Variants in ABHD6 observed in about 807,000 individuals in gnomAD.
The protein encoded by ABHD6 is abhydrolase domain containing 6, acylglycerol lipase.
Under a neutral mutation model 38.8 loss-of-function variants are expected in ABHD6, and 33 were observed. The observed-to-expected ratio is 0.85, with a 90% CI of 0.64 to 1.14. ABHD6 has a LOEUF of 1.14. Among genes scored for constraint, ABHD6 ranks in the 50% most tolerant of loss-of-function variants. The pLI, the probability that ABHD6 is intolerant of heterozygous loss-of-function variation, is 0.00. For missense variants in ABHD6, 380 were observed against 422.6 expected, an observed-to-expected ratio of 0.90 and a Z score of 0.88; for synonymous variants, 147 against 161.6, an observed-to-expected ratio of 0.91 and a Z score of 0.69.
At chr3:58,274,266 T>G (rs1344518386) in intron 6 of ABHD6, among the ~76,000 whole-genome samples, 1 of 152,196 alleles carries the variant, frequency 6.6e-6, no homozygotes, top group African/African-American at 2.4e-5. Context: ...CTGTCAACAC[T>G]CAGATATGCT....
intron 1 of ABHD6, among the ~76,000 whole-genome samples, chr3:58,247,222 C>CT (rs1403104434): frequency 5.3e-5 from 8 of 151,986 alleles, no homozygotes; most frequent in Non-Finnish European, 1.2e-4. Context: ...AGGCTTGTCT[C>CT]TAACTCCTGG....
intron 1 of ABHD6, among the ~76,000 whole-genome samples, chr3:58,242,207 T>C (rs67035712): frequency 0.22 from 33,809 of 151,694 alleles, 5,004 homozygotes; most frequent in East Asian, 0.77. Flanking sequence ...GGGCAGGCAA[T>C]AGGCAGGTGA....
Position 58,256,489 on chromosome 3 carries a change from G to A in ABHD6, c.-25-73G>A. ...TCACTCTGGGAACTTCACTTTTCTT[G>A]TCCCCTTTACTTCTTCGCCTTTTTT... On this transcript the variant is annotated intron_variant, in intron 2 of 9. Transcript: ENST00000478253. The surrounding 1 kb of genome is among the most constrained non-coding windows in gnomAD (Gnocchi z 4.3). 2 of 869,046 alleles carry A rather than the reference G, an allele frequency of 2.3e-6. No individual in the cohort carries two copies. Among genetic ancestry groups the A allele is most frequent in the Non-Finnish European group, 3.6e-6 (2 of 554,370 alleles). 53.8% of individuals were successfully genotyped at this position (869,046 alleles called of 1,614,324 possible). A position where few individuals can be genotyped will look rare whatever the true frequency, so the allele number is the denominator to read the frequency against.
intron 1 of ABHD6, among the ~76,000 whole-genome samples, 193 bp from the exon 2 acceptor site, chr3:58,249,685 T>C (rs983186040): frequency 1.3e-5 from 2 of 152,344 alleles, no homozygotes; most frequent in African/African-American, 4.8e-5. Flanking sequence ...CACGTTTGCC[T>C]TATTGCCTCA....
rs878937023 is a variant in ABHD6, at chr3:58,267,409, A to T, written c.276+64A>T. ...GTTGGGTGCTGTGGCTCATGCCTAT[A>T]ATCCCAGCACTTTGGGAGCCTGAGG... On this transcript the variant is annotated intron_variant, in intron 4 of 9. Coordinates refer to ENST00000478253, the MANE Select transcript of ABHD6 (RefSeq NM_001320126.2). This position sits in a 1 kb window ranked among gnomAD's most constrained non-coding sequence, Gnocchi z 4.3. The T allele has an allele frequency of 2.8e-5, 44 of 1,590,286 alleles. 1 individual carries two copies. In the South Asian group the frequency reaches 4.5e-4, roughly 16 times the overall value.
At position 58,267,199 on chromosome 3, in the gene ABHD6, A is replaced by G. The variant is rs1214270718; in HGVS notation, c.130A>G (p.Arg44Gly). ...TCTCACCCCTTCCAGGTACTGGCGG[A>G]GGACATTGGGCATGCAAGTCCGCTA... Reference protein sequence around the residue: ...LIRIYYWYWRRTLGMQVRYVH... With the variant: ...LIRIYYWYWRGTLGMQVRYVH... Residue 44 changes from arginine to glycine, a missense_variant, in exon 4 of 10, where the codon AGG becomes GGG. Coordinates refer to ENST00000478253, the MANE Select transcript of ABHD6 (RefSeq NM_001320126.2). This position sits in a 1 kb window ranked among gnomAD's most constrained non-coding sequence, Gnocchi z 4.3. The G allele has an allele frequency of 1.9e-6, 3 of 1,614,016 alleles. No individual in the cohort carries two copies. The highest frequency in any genetic ancestry group is 4.5e-5 in the East Asian group (2 of 44,882).
In ABHD6 at chr3:58,293,624, G is replaced by C; in HGVS notation, c.873G>C (p.Lys291Asn). The C allele has an allele frequency of 6.2e-7, 1 of 1,614,194 alleles. No individual in the cohort carries two copies. Among genetic ancestry groups the C allele is most frequent in the South Asian group, 1.1e-5 (1 of 91,080 alleles). The part of the protein sequence containing the change: ...LDVSGADMLA[K>N]SIANCQVELL... ...TGTCTGGGGCAGACATGTTGGCCAA[G>C]TCAATTGCCAACTGCCAGGTGGAGC... Residue 291 changes from lysine to asparagine, a missense_variant, in exon 10 of 10, where the codon AAG becomes AAC. Coordinates refer to ENST00000478253, the MANE Select transcript of ABHD6 (RefSeq NM_001320126.2). The surrounding 1 kb of genome is among the most constrained non-coding windows in gnomAD (Gnocchi z 4.4).
chr3:58,293,475 C>T lies in ABHD6; in HGVS notation c.838-114C>T. 3 of 1,134,308 alleles carry T rather than the reference C, an allele frequency of 2.6e-6. No individual in the cohort carries two copies. The highest frequency in any genetic ancestry group is 3.2e-5 in the South Asian group (2 of 61,858). The allele number at this position is 1,134,308 out of a possible 1,614,324, so 70.3% of individuals were successfully genotyped here. On this transcript the variant is annotated intron_variant, in intron 9 of 9. Transcript: ENST00000478253. The surrounding 1 kb of genome is among the most constrained non-coding windows in gnomAD (Gnocchi z 4.4). ...CAAAGGGACTTGGTCCTAAAATTCACATCCTCCTGCCCCACTGACCCCTGC... is the reference window on the plus strand; with the variant it reads ...CAAAGGGACTTGGTCCTAAAATTCATATCCTCCTGCCCCACTGACCCCTGC...
At position 58,293,298 on chromosome 3, in the gene ABHD6, T is replaced by A. The variant is rs983545946; in HGVS notation, c.838-291T>A. ...CTGCTCATCCCCTGTGCTCTCTGAC[T>A]TCCCCACCATACCATAACCTCCTCA... is the stretch of plus-strand genomic sequence containing the variant. On this transcript the variant is annotated intron_variant, in intron 9 of 9. Transcript: ENST00000478253. This position sits in a 1 kb window ranked among gnomAD's most constrained non-coding sequence, Gnocchi z 4.4. Among the ~76,000 whole-genome samples the A allele has an allele frequency of 5.3e-5, 8 of 152,200 alleles. No homozygotes were observed. Among genetic ancestry groups the A allele is most frequent in the Non-Finnish European group, 1.2e-4 (8 of 68,040 alleles).
chr3:58,283,941 T>G (rs1315761600), intron 7 of ABHD6, among the ~76,000 whole-genome samples: 1 of 152,184 alleles, frequency 6.6e-6, no homozygotes, highest in Non-Finnish European at 1.5e-5. Flanking sequence ...TAGAGTCTAG[T>G]GATGCTCCAG....
At chr3:58,246,598 C>G (rs1259514770) in intron 1 of ABHD6, among the ~76,000 whole-genome samples, 4 of 152,148 alleles carry the variant, frequency 2.6e-5, no homozygotes, top group African/African-American at 9.7e-5. Context: ...GGACTGTGGG[C>G]TGGGCTGGTT....
Position 58,265,514 on chromosome 3 carries a change from T to TA in ABHD6, c.120-1674dup, listed in dbSNP as rs1316003483. ...TAATAACTATCATGTACTGAATACTTACCATTTGCTGGGCATTGAACAAAA... is the reference window on the plus strand; with the variant it reads ...TAATAACTATCATGTACTGAATACTTAACCATTTGCTGGGCATTGAACAAAA... On this transcript the variant is annotated intron_variant, in intron 3 of 9. Coordinates refer to ENST00000478253, the MANE Select transcript of ABHD6 (RefSeq NM_001320126.2). The surrounding 1 kb of genome is among the most constrained non-coding windows in gnomAD (Gnocchi z 4.2). 2.6e-5 allele frequency among the ~76,000 whole-genome samples: 4 copies of TA among 152,208 alleles called. No individual in the cohort carries two copies. Among genetic ancestry groups the TA allele is most frequent in the Non-Finnish European group, 5.9e-5 (4 of 68,028 alleles).
intron 3 of ABHD6, among the ~76,000 whole-genome samples, chr3:58,261,553 T>C (rs1258574287): frequency 6.6e-6 from 1 of 152,146 alleles, no homozygotes; most frequent in Non-Finnish European, 1.5e-5. Flanking sequence ...TTGCGGTTTT[T>C]GTAGAGACAG....
chr3:58,292,359 T>C (rs1386033954), intron 9 of ABHD6, among the ~76,000 whole-genome samples: 3 of 152,176 alleles, frequency 2.0e-5, no homozygotes, highest in Non-Finnish European at 2.9e-5. Context: ...GGAGGGGCCC[T>C]CTTGTCTAGG....
rs1469517672 is a variant in ABHD6 at position 58,270,934 on chromosome 3, T to C, written c.393T>C (p.Phe131=). 1 of 1,602,276 alleles carries C rather than the reference T, an allele frequency of 6.2e-7. No homozygotes were observed. The highest frequency in any genetic ancestry group is 1.1e-5 in the South Asian group (1 of 89,224). Residue 131 remains phenylalanine (F), a splice_region_variant and synonymous_variant, in exon 6 of 10, where the codon TTT becomes TTC. Transcript: ENST00000478253. The part of the protein sequence containing the change: ...IDGQVKRIHQ[F]VECLKLNKKP... ...TGCTTTCTCATTTCCCTTCCTAGTTTGTAGAATGCCTGAAGCTGAACAAAA... is the reference window on the plus strand; with the variant it reads ...TGCTTTCTCATTTCCCTTCCTAGTTCGTAGAATGCCTGAAGCTGAACAAAA...
chr3:58,280,837 T>G (rs150832088), intron 7 of ABHD6, among the ~76,000 whole-genome samples: 1 of 152,218 alleles, frequency 6.6e-6, no homozygotes, highest in African/African-American at 2.4e-5. Flanking sequence ...GTTTTCCTTA[T>G]AACAATCAGG....
intron 6 of ABHD6, among the ~76,000 whole-genome samples, chr3:58,271,622 G>T (rs935604882): frequency 2.0e-5 from 3 of 151,912 alleles, no homozygotes; most frequent in African/African-American, 7.2e-5. Flanking sequence ...ATATGTCAAC[G>T]TGAAGTGTAA....
At chr3:58,290,532 C>CA in intron 9 of ABHD6, among the ~76,000 whole-genome samples, 6 of 138,538 alleles carry the variant, frequency 4.3e-5, no homozygotes, top group Non-Finnish European at 7.8e-5. Context: ...CCCCCCACCT[C>CA]CCTCCCGGAC....
rs190062039 is a variant in ABHD6 at position 58,281,700 on chromosome 3, G to A, written c.682-3385G>A. Among the ~76,000 whole-genome samples, 686 of 152,328 alleles carry A rather than the reference G, an allele frequency of 4.5e-3. 5 individuals carry two copies. The highest frequency in any genetic ancestry group is 0.016 in the African/African-American group (654 of 41,554). On this transcript the variant is annotated intron_variant, in intron 7 of 9. Coordinates refer to ENST00000478253, the MANE Select transcript of ABHD6 (RefSeq NM_001320126.2). ...TTGATCACGCTGGATGCCGCAGACCGGAGCTGTTCCTATTCGGCCATCTTG... is the reference window on the plus strand; with the variant it reads ...TTGATCACGCTGGATGCCGCAGACCAGAGCTGTTCCTATTCGGCCATCTTG...
Sources: allele counts gnomAD v4.1 joint callset (sites outside exome capture counted in the v4.1 genomes callset), GRCh38; gene constraint gnomAD v4.1.1; non-coding constraint Gnocchi (gnomAD v3.1); transcripts MANE v1.5; gene names NCBI Gene and HGNC (gene_info 2026-07-23, HGNC 2026-07-21).